Variants in GPSM2 observed in about 807,000 individuals in gnomAD.
GPSM2 encodes the protein G protein signaling modulator 2, also known as G protein-signaling modulator 2.
In GPSM2, 58 loss-of-function variants were observed where a neutral mutation model predicts 78.4. The ratio of observed to expected loss-of-function variants is 0.74; its 90% CI spans 0.60 to 0.92. The LOEUF is 0.92. Ranked by LOEUF, GPSM2 falls within the 40% of genes least tolerant of loss-of-function variation. The pLI is 0.00. For missense variants in GPSM2, 700 were observed against 815.5 expected (o/e 0.86, Z 1.73); for synonymous variants, 224 against 280.2 (o/e 0.80, Z 2.00).
chr1:108,934,495 C>CTTTTATAT lies in GPSM2; in HGVS notation c.*4555_*4556insTTTTATAT, dbSNP rs1652555777. On this transcript the variant is annotated 3_prime_UTR_variant, in exon 15 of 15. Coordinates refer to ENST00000264126, the MANE Select transcript of GPSM2 (RefSeq NM_013296.5). ...AAATGAAAAGCTTTTACATATATAA[C>CTTTTATAT]GTGTTTGTTAATTCTAATTGTCAGT... 8 of 660,298 alleles carry CTTTTATAT rather than the reference C, an allele frequency of 1.2e-5. No homozygotes were observed. Among genetic ancestry groups the CTTTTATAT allele is most frequent in the Non-Finnish European group, 2.0e-5 (8 of 402,810 alleles). The allele number at this position is 660,298 out of a possible 1,614,324, so 40.9% of individuals were successfully genotyped here. A position where few individuals can be genotyped will look rare whatever the true frequency, so the allele number is the denominator to read the frequency against.
intron 8 of GPSM2, among the ~76,000 whole-genome samples, chr1:108,902,295 C>G (rs535252481): frequency 6.6e-6 from 1 of 151,528 alleles, no homozygotes; most frequent in East Asian, 1.9e-4. Flanking sequence ...GCAGGAGAAT[C>G]GCTTGAACCC....
intron 1 of GPSM2, among the ~76,000 whole-genome samples, chr1:108,881,017 G>A (rs1011395916): frequency 6.6e-6 from 1 of 152,216 alleles, no homozygotes; most frequent in African/African-American, 2.4e-5. Context: ...TGTCTGCTCT[G>A]ATTGCATACC....
intron 1 of GPSM2, among the ~76,000 whole-genome samples, chr1:108,879,075 C>T (rs1439632289): frequency 2.0e-5 from 3 of 152,180 alleles, no homozygotes; most frequent in African/African-American, 4.8e-5. Context: ...TTCAATCTTT[C>T]TGTTGGAACT....
chr1:108,879,767 A>G (rs2101288556), intron 1 of GPSM2, among the ~76,000 whole-genome samples: 1 of 152,300 alleles, frequency 6.6e-6, no homozygotes, highest in Non-Finnish European at 1.5e-5. Flanking sequence ...GTGAGCCGAG[A>G]TCGCGCCACT....
chr1:108,918,901 CT>C (rs1650481078), intron 12 of GPSM2, 112 bp downstream of exon 12: 1 of 720,990 alleles, frequency 1.4e-6, no homozygotes, highest in Non-Finnish European at 2.4e-6. Flanking sequence ...TATAAAATAT[CT>C]TTGTATTCAT....
chr1:108,893,630 A>C (rs1449586597), intron 2 of GPSM2, among the ~76,000 whole-genome samples: 1 of 152,254 alleles, frequency 6.6e-6, no homozygotes, highest in Non-Finnish European at 1.5e-5. Flanking sequence ...TAGGAAAAGA[A>C]TTATTTTACA....
At chr1:108,922,745 C>G in intron 13 of GPSM2, among the ~76,000 whole-genome samples, 169 bp downstream of exon 13, 1 of 152,108 alleles carries the variant, frequency 6.6e-6, no homozygotes, top group Admixed American at 6.6e-5. Context: ...TTTCAGTTCC[C>G]TTACGTATAT....
chr1:108,893,437 T>C (rs1648119002), intron 2 of GPSM2, among the ~76,000 whole-genome samples: 1 of 152,194 alleles, frequency 6.6e-6, no homozygotes, highest in Non-Finnish European at 1.5e-5. Flanking sequence ...TGTAATTTTT[T>C]TTACCCAGTA....
chr1:108,933,620 TGTGAATATG>T lies in GPSM2; in HGVS notation c.*3683_*3691del, dbSNP rs1301331585. ...GTAAGCAGTTGAACATAACTTGTAG[TGTGAATATG>T]GTTAAAACAAAGGACACCTGATGTC... On this transcript the variant is annotated 3_prime_UTR_variant, in exon 15 of 15. Coordinates refer to ENST00000264126, the MANE Select transcript of GPSM2 (RefSeq NM_013296.5). 1 of 152,266 alleles carries T rather than the reference TGTGAATATG, an allele frequency of 6.6e-6. No individual in the cohort carries two copies. The highest frequency in any genetic ancestry group is 1.5e-5 in the Non-Finnish European group (1 of 68,044). The allele number at this position is 152,266 out of a possible 1,614,324, so 9.4% of individuals were successfully genotyped here. A position where few individuals can be genotyped will look rare whatever the true frequency, so the allele number is the denominator to read the frequency against.
At chr1:108,889,537 G>A (rs879936297) in intron 2 of GPSM2, among the ~76,000 whole-genome samples, 4 of 152,164 alleles carry the variant, frequency 2.6e-5, no homozygotes, top group African/African-American at 4.8e-5. Flanking sequence ...CCTTATTACC[G>A]CTAGCAGATA....
At chr1:108,928,858 C>CTCCTGCTAATTAATTTGA (rs1651394897) in intron 14 of GPSM2, among the ~76,000 whole-genome samples, 2 of 151,846 alleles carry the variant, frequency 1.3e-5, no homozygotes, top group Non-Finnish European at 2.9e-5. Flanking sequence ...GGTGTGGTGA[C>CTCCTGCTAATTAATTTGA]GCATGCCTAT....
chr1:108,912,770 G>A (rs1649858060), intron 10 of GPSM2, among the ~76,000 whole-genome samples: 1 of 151,712 alleles, frequency 6.6e-6, no homozygotes, highest in South Asian at 2.1e-4. Flanking sequence ...GGCCGGCCAG[G>A]CATGGTGGCT....
Position 108,922,406 on chromosome 1 carries a change from CA to C in GPSM2, c.1441-9del. ...TATTCAAATAAACTAGACTTCCTCT[CA>C]ATATTTTAGAAAATCAGTGCAGATA... On this transcript the variant is annotated splice_polypyrimidine_tract_variant and intron_variant, in intron 12 of 14. Transcript: ENST00000264126. 6.3e-7 allele frequency: 1 copy of C among 1,594,126 alleles called. No individual in the cohort carries two copies. The highest frequency in any genetic ancestry group is 8.6e-7 in the Non-Finnish European group (1 of 1,162,110).
chr1:108,892,708 A>G (rs1377624005), intron 2 of GPSM2, among the ~76,000 whole-genome samples: 1 of 152,210 alleles, frequency 6.6e-6, no homozygotes, highest in African/African-American at 2.4e-5. Context: ...ATAGTGACAG[A>G]GAGGATATGA....
chr1:108,880,654 AT>A (rs1665849605), intron 1 of GPSM2, among the ~76,000 whole-genome samples: 1 of 152,120 alleles, frequency 6.6e-6, no homozygotes, highest in East Asian at 1.9e-4. Flanking sequence ...AAAATTATGT[AT>A]ATGTATTAAT....
Position 108,922,511 on chromosome 1 carries a change from A to C in GPSM2, c.1535A>C (p.Gln512Pro), listed in dbSNP as rs977715350. Residue 512 changes from glutamine (Q) to proline (P), a missense_variant, in exon 13 of 15, where the codon CAA becomes CCA. Physicochemically the swap from Gln to Pro is moderately conservative, Grantham distance 76 (BLOSUM62 -1). Coordinates refer to ENST00000264126, the MANE Select transcript of GPSM2 (RefSeq NM_013296.5). ...ATGGATGATCAGAGATGTTGCTTACAAGAAAAGAACTGCCATACAGCTTCA... is the reference window on the plus strand; with the variant it reads ...ATGGATGATCAGAGATGTTGCTTACCAGAAAAGAACTGCCATACAGCTTCA... ...NRMDDQRCCL[Q>P]EKNCHTASTT... 1.2e-6 allele frequency: 2 copies of C among 1,611,588 alleles called. No individual in the cohort carries two copies. Among genetic ancestry groups the C allele is most frequent in the East Asian group, 2.2e-5 (1 of 44,822 alleles).
chr1:108,925,347 G>A (rs569590003), intron 14 of GPSM2, among the ~76,000 whole-genome samples: 7 of 152,330 alleles, frequency 4.6e-5, no homozygotes, highest in African/African-American at 1.2e-4. Context: ...TGGAGCCCAA[G>A]GGAGAAGTAA....
In GPSM2 at chr1:108,885,471, G is replaced by T. The variant is rs1647457576; in HGVS notation, c.-52G>T. On this transcript the variant is annotated 5_prime_UTR_variant, in exon 2 of 15. Transcript: ENST00000264126. ...AACAATTCTACATTGTAAAGGACTG[G>T]ATTGGCACAAAATAAAATAATTTTA... is the stretch of plus-strand genomic sequence containing the variant. 9 of 1,019,868 alleles carry T rather than the reference G, an allele frequency of 8.8e-6. No homozygotes were observed. The highest frequency in any genetic ancestry group is 4.7e-5 in the East Asian group (2 of 42,106). The allele number at this position is 1,019,868 out of a possible 1,614,324, so 63.2% of individuals were successfully genotyped here.
rs534457727 is a variant in GPSM2 at position 108,902,437 on chromosome 1, T to TA, written c.953+493dup. 3.0e-3 allele frequency among the ~76,000 whole-genome samples: 453 copies of TA among 152,034 alleles called. 1 individual carries two copies. The highest frequency in any genetic ancestry group is 5.2e-3 in the Non-Finnish European group (354 of 67,998). On this transcript the variant is annotated intron_variant, in intron 8 of 14. Transcript: ENST00000264126. ...ATAAGTGTGGGAATTGTGGTGAACT[T>TA]AGAGATAATGTCCAGTGTGAAGGGG...
Sources: allele counts gnomAD v4.1 joint callset (sites outside exome capture counted in the v4.1 genomes callset), GRCh38; gene constraint gnomAD v4.1.1; transcripts MANE v1.5; gene names NCBI Gene and HGNC (gene_info 2026-07-23, HGNC 2026-07-21).